Variants in TSPAN12 observed in about 807,000 individuals in gnomAD.
TSPAN12 encodes the protein tetraspanin 12.
In TSPAN12, 19 loss-of-function variants were observed where a neutral mutation model predicts 39.2. The observed-to-expected ratio is 0.49, with a 90% CI of 0.34 to 0.71. TSPAN12 has a LOEUF of 0.71. Ranked by LOEUF, TSPAN12 falls within the 30% of genes least tolerant of loss-of-function variation. The probability of loss-of-function intolerance (pLI) is 0.01; values close to 1 mark genes in which losing one functional copy is unlikely to be tolerated. For synonymous variants in TSPAN12, 119 were observed against 124.8 expected (o/e 0.95, Z 0.31); for missense variants, 314 against 359.9 (o/e 0.87, Z 1.03).
intron 7 of TSPAN12, among the ~76,000 whole-genome samples, chr7:120,795,495 T>C (rs1358154892): frequency 6.6e-6 from 1 of 152,186 alleles, no homozygotes; most frequent in East Asian, 1.9e-4. Flanking sequence ...CCAAAATGAG[T>C]TTCTAAAATT....
At chr7:120,789,395 G>A (rs767415055) in intron 7 of TSPAN12, among the ~76,000 whole-genome samples, 3 of 152,166 alleles carry the variant, frequency 2.0e-5, no homozygotes, top group South Asian at 4.1e-4. Context: ...CAATGTTTAC[G>A]ATTTAATAAT....
chr7:120,831,496 A>T (rs1794389596), intron 4 of TSPAN12, among the ~76,000 whole-genome samples: 1 of 152,116 alleles, frequency 6.6e-6, no homozygotes, highest in Non-Finnish European at 1.5e-5. Context: ...TACTTGTGGT[A>T]ACATGGATGA....
chr7:120,807,002 A>T (rs1344764380), intron 6 of TSPAN12, among the ~76,000 whole-genome samples: 2 of 152,136 alleles, frequency 1.3e-5, no homozygotes, highest in African/African-American at 4.8e-5. Flanking sequence ...TTGAACATAC[A>T]CACTAACAAA....
chr7:120,856,774 G>C lies in TSPAN12; in HGVS notation c.-11C>G, dbSNP rs776989110. ...ATCTTCTCTGGCCATTGTGAGCCCC[G>C]TAAGGGAGAAGCCCCATCCTTTCAC... On this transcript the variant is annotated 5_prime_UTR_variant, in exon 2 of 8. The change creates a premature stop within an existing upstream ORF in the 5' untranslated region. Transcript: ENST00000222747. 2 of 1,613,976 alleles carry C rather than the reference G, an allele frequency of 1.2e-6. No individual in the cohort carries two copies. Among genetic ancestry groups the C allele is most frequent in the Non-Finnish European group, 1.7e-6 (2 of 1,179,968 alleles).
intron 1 of TSPAN12, among the ~76,000 whole-genome samples, 200 bp downstream of exon 1, chr7:120,857,620 C>T (rs1247031005): frequency 1.3e-5 from 2 of 152,084 alleles, no homozygotes; most frequent in Non-Finnish European, 1.5e-5. Flanking sequence ...CGCTCAAAGC[C>T]GCCCGCGGAG....
rs561967326 is a variant in TSPAN12, at chr7:120,857,999, GA to G, written c.-251del. The G allele has an allele frequency of 7.7e-3, 879 of 114,094 alleles. 1 individual carries two copies. The highest frequency in any genetic ancestry group is 0.011 in the Non-Finnish European group (597 of 52,274). 7.1% of individuals were successfully genotyped at this position (114,094 alleles called of 1,614,324 possible). ...CGCCGTCGCCGCCTCCTGGGAAAAA[GA>G]AAAAAAAAAAAAAAAGTCCTGGGCA... On this transcript the variant is annotated 5_prime_UTR_variant, in exon 1 of 8. Transcript: ENST00000222747.
intron 7 of TSPAN12, among the ~76,000 whole-genome samples, chr7:120,793,203 T>C (rs547993776): frequency 6.6e-6 from 1 of 152,368 alleles, no homozygotes; most frequent in South Asian, 2.1e-4. Context: ...TTCTAGACTG[T>C]GTTGATTCTG....
intron 7 of TSPAN12, among the ~76,000 whole-genome samples, chr7:120,805,051 C>T (rs1562940121): frequency 6.6e-6 from 1 of 152,052 alleles, no homozygotes; most frequent in Non-Finnish European, 1.5e-5. Flanking sequence ...TTGTCAGAGC[C>T]ACTCAGTTTG....
At chr7:120,795,561 C>T (rs1025918391) in intron 7 of TSPAN12, among the ~76,000 whole-genome samples, 1 of 152,238 alleles carries the variant, frequency 6.6e-6, no homozygotes, top group Admixed American at 6.5e-5. Flanking sequence ...ATCAAAAAGT[C>T]GGGCAGCCTT....
Position 120,806,570 on chromosome 7 carries a change from A to C in TSPAN12, c.591T>G (p.Asp197Glu). The change falls in exon 7 of 8, where the codon GAT (aspartate) becomes GAG (glutamate). Residue 197 changes from aspartate (D) to glutamate (E), a missense_variant. Coordinates refer to ENST00000222747, the MANE Select transcript of TSPAN12 (RefSeq NM_012338.4). Reference protein sequence around the residue: ...PGCSKQAHQEDLSDLYQEGCG... With the variant: ...PGCSKQAHQEELSDLYQEGCG... ...TCACCTCTTGATAAAGGTCACTGAG[A>C]TCTTCCTGGTGGGCCTGTTTGGAAC... is the stretch of plus-strand genomic sequence containing the variant. 6.2e-7 allele frequency: 1 copy of C among 1,613,444 alleles called. No homozygotes were observed. Among genetic ancestry groups the C allele is most frequent in the Non-Finnish European group, 8.5e-7 (1 of 1,179,544 alleles).
At chr7:120,804,695 A>G (rs1355265262) in intron 7 of TSPAN12, among the ~76,000 whole-genome samples, 1 of 152,118 alleles carries the variant, frequency 6.6e-6, no homozygotes, top group African/African-American at 2.4e-5. Context: ...TATGTTAAAG[A>G]GCTTAGTACC....
rs1459930679 is a variant in TSPAN12, at chr7:120,788,103, T to C, written c.*489A>G. The C allele has an allele frequency of 5.9e-6, 1 of 169,484 alleles. No individual in the cohort carries two copies. The highest frequency in any genetic ancestry group is 2.9e-3 in the Middle Eastern group (1 of 346). 10.5% of individuals were successfully genotyped at this position (169,484 alleles called of 1,614,324 possible). A position where few individuals can be genotyped will look rare whatever the true frequency, so the allele number is the denominator to read the frequency against. On this transcript the variant is annotated 3_prime_UTR_variant, in exon 8 of 8. Transcript: ENST00000222747. ...AATCACATTTAGGTAGTCACCAATA[T>C]TGAAAGTTTTCTGATATATAATTTA...
chr7:120,838,587 A>G (rs972560348), intron 4 of TSPAN12, among the ~76,000 whole-genome samples, 190 bp downstream of exon 4: 1 of 152,246 alleles, frequency 6.6e-6, no homozygotes, highest in African/African-American at 2.4e-5. Flanking sequence ...AATTGCTTAT[A>G]TATATTTCCA....
chr7:120,843,911 G>A (rs1174663895), intron 2 of TSPAN12, among the ~76,000 whole-genome samples: 1 of 152,158 alleles, frequency 6.6e-6, no homozygotes, highest in East Asian at 1.9e-4. Context: ...TTAATGTGGT[G>A]TATTAGTCCA....
chr7:120,805,848 G>C (rs899474664), intron 7 of TSPAN12, among the ~76,000 whole-genome samples: 7 of 152,086 alleles, frequency 4.6e-5, no homozygotes, highest in Non-Finnish European at 1.0e-4. Flanking sequence ...GTAGAGGACA[G>C]TGCAGTCTTA....
chr7:120,803,640 C>T (rs555536662), intron 7 of TSPAN12, among the ~76,000 whole-genome samples: 1 of 152,124 alleles, frequency 6.6e-6, no homozygotes, highest in African/African-American at 2.4e-5. Context: ...TATAATAAGC[C>T]CCCATCTTAG....
intron 2 of TSPAN12, among the ~76,000 whole-genome samples, chr7:120,849,018 T>C (rs1432197199): frequency 6.6e-6 from 1 of 152,196 alleles, no homozygotes. Context: ...AAAGTAACTA[T>C]GAAAATAATC....
intron 4 of TSPAN12, among the ~76,000 whole-genome samples, chr7:120,819,002 G>C (rs781711913): frequency 6.6e-6 from 1 of 151,998 alleles, no homozygotes; most frequent in South Asian, 2.1e-4. Context: ...CAAATGTTCA[G>C]TAACTACATA....
intron 4 of TSPAN12, among the ~76,000 whole-genome samples, chr7:120,823,401 C>T (rs1289580369): frequency 6.6e-6 from 1 of 151,924 alleles, no homozygotes; most frequent in Non-Finnish European, 1.5e-5. Flanking sequence ...AACATAAATA[C>T]ACAAAACAAC....
Sources: gnomAD v4.1 joint callset for allele counts (sites outside exome capture counted in the v4.1 genomes callset) on GRCh38, gnomAD v4.1.1 for gene constraint, MANE v1.5 for transcripts, NCBI Gene and HGNC (gene_info 2026-07-23, HGNC 2026-07-21) for gene names.